Variants in SCFD2 observed in about 807,000 individuals in gnomAD.
SCFD2 encodes the protein sec1 family domain containing 2.
SCFD2 carries 54 observed loss-of-function variants against 58.9 expected under a neutral mutation model. The ratio of observed to expected loss-of-function variants is 0.92; its 90% CI spans 0.74 to 1.15. SCFD2 has a LOEUF of 1.15. Among genes scored for constraint, SCFD2 ranks in the 50% most tolerant of loss-of-function variants. The pLI is 0.00. For synonymous variants in SCFD2, 321 were observed against 335.9 expected (o/e 0.96, Z 0.49); for missense variants, 805 against 836.6 (o/e 0.96, Z 0.47).
intron 3 of SCFD2, among the ~76,000 whole-genome samples, chr4:53,298,186 C>T (rs185305320): frequency 6.6e-6 from 1 of 152,138 alleles, no homozygotes; most frequent in African/African-American, 2.4e-5. Context: ...CAGGGAATTC[C>T]CTTTCCTAGT....
intron 2 of SCFD2, among the ~76,000 whole-genome samples, chr4:53,314,367 G>A (rs540462887): frequency 3.3e-5 from 5 of 152,278 alleles, no homozygotes; most frequent in South Asian, 4.1e-4. Context: ...ACAATTAACC[G>A]TTGATAACAG....
At chr4:53,069,227 T>C (rs1331703965) in intron 5 of SCFD2, among the ~76,000 whole-genome samples, 1 of 152,090 alleles carries the variant, frequency 6.6e-6, no homozygotes, top group Admixed American at 6.6e-5. Context: ...AAAGCTTTAC[T>C]GATTTGCCCA....
chr4:53,077,065 G>T (rs1007472451), intron 5 of SCFD2, among the ~76,000 whole-genome samples: 1 of 152,130 alleles, frequency 6.6e-6, no homozygotes, highest in Non-Finnish European at 1.5e-5. Flanking sequence ...CTATAAGGAA[G>T]AACACTCCTT....
intron 8 of SCFD2, among the ~76,000 whole-genome samples, chr4:52,882,600 G>A (rs1311631454): frequency 6.6e-6 from 1 of 152,178 alleles, no homozygotes; most frequent in Admixed American, 6.5e-5. Flanking sequence ...AACGCAGGCA[G>A]AAGAACGTGG....
intron 4 of SCFD2, among the ~76,000 whole-genome samples, chr4:53,158,245 T>C (rs1368047278): frequency 6.6e-6 from 1 of 152,176 alleles, no homozygotes; most frequent in African/African-American, 2.4e-5. Context: ...AGTCCCTATA[T>C]CACTTCTTTT....
intron 5 of SCFD2, among the ~76,000 whole-genome samples, chr4:52,923,027 C>T (rs1719777101): frequency 6.6e-6 from 1 of 152,200 alleles, no homozygotes; most frequent in Non-Finnish European, 1.5e-5. Flanking sequence ...CCAAAAGAAT[C>T]CAGCTGCATC....
intron 4 of SCFD2, among the ~76,000 whole-genome samples, chr4:53,251,960 G>A (rs1317699721): frequency 3.9e-5 from 6 of 152,118 alleles, no homozygotes; most frequent in African/African-American, 9.7e-5. Flanking sequence ...GTTTGCAGAC[G>A]ACATGAATGT....
At chr4:53,117,513 C>CA (rs1725358597) in intron 5 of SCFD2, among the ~76,000 whole-genome samples, 1 of 151,954 alleles carries the variant, frequency 6.6e-6, no homozygotes, top group African/African-American at 2.4e-5. Flanking sequence ...TTTAAAAAAA[C>CA]AAAAAACAAA....
chr4:52,970,866 C>A (rs182128746), intron 5 of SCFD2, among the ~76,000 whole-genome samples: 1 of 152,204 alleles, frequency 6.6e-6, no homozygotes, highest in Non-Finnish European at 1.5e-5. Context: ...CACCAATATC[C>A]GCTGTTGTGC....
At chr4:53,002,798 G>A (rs1006406488) in intron 5 of SCFD2, among the ~76,000 whole-genome samples, 3 of 152,142 alleles carry the variant, frequency 2.0e-5, no homozygotes, top group African/African-American at 7.2e-5. Flanking sequence ...CAATTTATAA[G>A]GAAAAGAGGT....
chr4:53,244,546 G>A lies in SCFD2; in HGVS notation c.1311+29280C>T, dbSNP rs564138869. ...AATCAAGAAGTTCTCTGAAACTAAT[G>A]AGAATAAAGATACAACATACCAGAA... On this transcript the variant is annotated intron_variant, in intron 4 of 8. Coordinates refer to ENST00000401642, the MANE Select transcript of SCFD2 (RefSeq NM_152540.4). 3.9e-5 allele frequency among the ~76,000 whole-genome samples: 6 copies of A among 152,200 alleles called. No individual in the cohort carries two copies. The South Asian group carries it at 1.0e-3, about 26-fold the overall frequency.
At chr4:52,907,744 C>G (rs905761425) in intron 6 of SCFD2, among the ~76,000 whole-genome samples, 153 bp from the exon 7 acceptor site, 23 of 146,464 alleles carry the variant, frequency 1.6e-4, no homozygotes, top group African/African-American at 5.9e-4. Flanking sequence ...GTGTGTGTGT[C>G]ACAGAAAAGA....
intron 5 of SCFD2, among the ~76,000 whole-genome samples, chr4:53,024,456 G>A (rs577335803): frequency 1.9e-4 from 29 of 152,252 alleles, no homozygotes; most frequent in African/African-American, 7.0e-4. Flanking sequence ...AGATTGAGGG[G>A]AAGTGACATA....
At chr4:53,200,565 C>T (rs1471766126) in intron 4 of SCFD2, among the ~76,000 whole-genome samples, 1 of 152,062 alleles carries the variant, frequency 6.6e-6, no homozygotes, top group African/African-American at 2.4e-5. Context: ...AAGCAATAAT[C>T]TGTTTCTGGA....
intron 5 of SCFD2, among the ~76,000 whole-genome samples, chr4:53,137,270 G>C (rs902005856): frequency 2.6e-5 from 4 of 152,336 alleles, no homozygotes; most frequent in Non-Finnish European, 1.5e-5. Context: ...GATTTGGCCA[G>C]TATATGCCTT....
chr4:53,073,071 G>C (rs1349114839), intron 5 of SCFD2, among the ~76,000 whole-genome samples: 2 of 151,850 alleles, frequency 1.3e-5, no homozygotes, highest in Non-Finnish European at 2.9e-5. Context: ...TGTCTGTACT[G>C]AACATGTACA....
At chr4:53,238,000 G>C (rs1729717217) in intron 4 of SCFD2, among the ~76,000 whole-genome samples, 1 of 133,398 alleles carries the variant, frequency 7.5e-6, no homozygotes. Context: ...GGCCGGGCAG[G>C]GGGCTGATCC....
chr4:53,293,804 C>T (rs1731926519), intron 3 of SCFD2, among the ~76,000 whole-genome samples: 1 of 152,024 alleles, frequency 6.6e-6, no homozygotes, highest in Non-Finnish European at 1.5e-5. Context: ...CATAGGTATA[C>T]ACGTGCCATG....
intron 5 of SCFD2, among the ~76,000 whole-genome samples, chr4:53,079,312 G>A (rs1724073629): frequency 6.6e-6 from 1 of 152,158 alleles, no homozygotes; most frequent in African/African-American, 2.4e-5. Context: ...GAAAGACAGT[G>A]CCCACTCCCA....
Sources: allele counts gnomAD v4.1 joint callset (sites outside exome capture counted in the v4.1 genomes callset), GRCh38; gene constraint gnomAD v4.1.1; transcripts MANE v1.5; gene names NCBI Gene and HGNC (gene_info 2026-07-23, HGNC 2026-07-21).